The following NUDT3 variants were observed in gnomAD, a reference collection of about 807,000 sequenced individuals.
NUDT3 encodes diphosphoinositol polyphosphate phosphohydrolase 1.
A neutral mutation model predicts 23.6 loss-of-function variants in NUDT3; 9 were observed. The observed-to-expected ratio is 0.38, with a 90% confidence interval of 0.23 to 0.66. The LOEUF (loss-of-function observed/expected upper bound fraction) is 0.66. Ranked by LOEUF, NUDT3 falls within the 30% of genes least tolerant of loss-of-function variation. The pLI is 0.52. For missense variants in NUDT3, 172 were observed against 218.5 expected (o/e 0.79, Z 1.34); for synonymous variants, 86 against 82.6 (o/e 1.04, Z -0.22).
rs140071193 is a variant in NUDT3, at chr6:34,317,478, A to G, written c.211-21793T>C. ...AATGTTAAGAGGTGGAGAGAGAGGG[A>G]AAAATGAGCAAAGACAACTCAGATG... On this transcript the variant is annotated intron_variant, in intron 2 of 4. Transcript: ENST00000607016. Among the ~76,000 whole-genome samples, 8 of 152,172 alleles carry G rather than the reference A, an allele frequency of 5.3e-5. No homozygotes were observed. In the East Asian group the frequency reaches 1.5e-3, roughly 29 times the overall value.
chr6:34,392,260 T>C lies in NUDT3; in HGVS notation c.99+4A>G, dbSNP rs1457072470. The C allele has an allele frequency of 5.7e-6, 9 of 1,589,416 alleles. No homozygotes were observed. The highest frequency in any genetic ancestry group is 6.8e-6 in the Non-Finnish European group (8 of 1,173,306). ...ACCCCGGCCCGCCCAGCCTGCCGCC[T>C]CACCTCCTCCTCGCTCTCGCTGCGG... On this transcript the variant is annotated splice_donor_region_variant and intron_variant, in intron 1 of 4. Transcript: ENST00000607016.
intron 1 of NUDT3, among the ~76,000 whole-genome samples, chr6:34,378,139 CAA>C (rs555966119): frequency 9.3e-5 from 12 of 129,304 alleles, no homozygotes; most frequent in Admixed American, 7.8e-5. Flanking sequence ...CGCTCCTACC[CAA>C]AAAAAAAAAA....
chr6:34,293,558 TAG>T (rs146708758), intron 3 of NUDT3, 23 bp from the exon 4 acceptor site: 15 of 1,613,692 alleles, frequency 9.3e-6, no homozygotes, highest in African/African-American at 2.7e-5. Context: ...GAGAGAAGGA[TAG>T]AGAGAGTTTT....
At chr6:34,321,514 T>C (rs1763942418) in intron 2 of NUDT3, among the ~76,000 whole-genome samples, 1 of 152,162 alleles carries the variant, frequency 6.6e-6, no homozygotes, top group African/African-American at 2.4e-5. Context: ...TTTTAAAATC[T>C]TGGCTAATGT....
chr6:34,360,174 G>T (rs919961629), intron 1 of NUDT3, among the ~76,000 whole-genome samples: 1 of 148,202 alleles, frequency 6.7e-6, no homozygotes, highest in African/African-American at 2.5e-5. Context: ...AAGCTGCAAG[G>T]CTGCAGTAAG....
chr6:34,360,956 C>A (rs1345494970), intron 1 of NUDT3, among the ~76,000 whole-genome samples: 1 of 152,170 alleles, frequency 6.6e-6, no homozygotes, highest in Non-Finnish European at 1.5e-5. Flanking sequence ...GGAGCAGTAG[C>A]TCATACTTAT....
At chr6:34,314,000 G>C (rs1175644723) in intron 2 of NUDT3, among the ~76,000 whole-genome samples, 1 of 151,990 alleles carries the variant, frequency 6.6e-6, no homozygotes, top group Non-Finnish European at 1.5e-5. Context: ...GGGAGGCTGA[G>C]GCAAGAGAAT....
intron 2 of NUDT3, among the ~76,000 whole-genome samples, chr6:34,322,759 G>C (rs1763965062): frequency 6.6e-6 from 1 of 152,148 alleles, no homozygotes; most frequent in African/African-American, 2.4e-5. Flanking sequence ...AATTTCTTTA[G>C]ATGTGACAAT....
At chr6:34,390,339 T>C (rs548036498) in intron 1 of NUDT3, among the ~76,000 whole-genome samples, 10 of 151,142 alleles carry the variant, frequency 6.6e-5, no homozygotes, top group East Asian at 3.9e-4. Flanking sequence ...GCAAGTCCTA[T>C]GCCTGGTCTG....
chr6:34,291,337 T>G lies in NUDT3; in HGVS notation c.340+2114A>C, dbSNP rs80052568. ...TTCTTTTTAACCTTCTAGGGAAAGA[T>G]ATCTAGCACAAGAACTACAAAAATA... On this transcript the variant is annotated intron_variant, in intron 4 of 4. Transcript: ENST00000607016. 6.8e-3 allele frequency among the ~76,000 whole-genome samples: 1,034 copies of G among 152,176 alleles called. 7 individuals carry two copies. Among genetic ancestry groups the G allele is most frequent in the Admixed American group, 0.012 (183 of 15,272 alleles).
At chr6:34,356,015 T>C (rs1764555412) in intron 1 of NUDT3, among the ~76,000 whole-genome samples, 1 of 151,968 alleles carries the variant, frequency 6.6e-6, no homozygotes, top group Admixed American at 6.6e-5. Flanking sequence ...AATGGGACAA[T>C]CTCAAGAGAG....
intron 2 of NUDT3, among the ~76,000 whole-genome samples, chr6:34,304,216 A>T (rs2113703811): frequency 6.8e-6 from 1 of 147,564 alleles, no homozygotes. Flanking sequence ...ACGCCACTGT[A>T]CTCCAGCCTG....
intron 1 of NUDT3, among the ~76,000 whole-genome samples, chr6:34,381,584 T>C (rs1765018844): frequency 6.6e-6 from 1 of 152,092 alleles, no homozygotes; most frequent in South Asian, 2.1e-4. Context: ...CTAACTCATA[T>C]TGGCAATAAA....
At chr6:34,292,914 T>C (rs1449612192) in intron 4 of NUDT3, among the ~76,000 whole-genome samples, 2 of 152,218 alleles carry the variant, frequency 1.3e-5, no homozygotes, top group East Asian at 3.8e-4. Flanking sequence ...TTCTTATTTT[T>C]AGGGGTCATG....
At chr6:34,372,478 G>A (rs948444818) in intron 1 of NUDT3, among the ~76,000 whole-genome samples, 12 of 152,062 alleles carry the variant, frequency 7.9e-5, no homozygotes, top group South Asian at 2.1e-4. Context: ...TTTGATTTGC[G>A]TTTCTCTGAT....
intron 4 of NUDT3, among the ~76,000 whole-genome samples, chr6:34,290,794 T>G (rs116839142): frequency 0.016 from 2,451 of 148,598 alleles, 33 homozygotes; most frequent in Non-Finnish European, 0.027. Flanking sequence ...TGTCTGTGAT[T>G]ATTATTATTA....
chr6:34,297,732 TA>T (rs1423147801), intron 2 of NUDT3, among the ~76,000 whole-genome samples: 5 of 27,758 alleles, frequency 1.8e-4, no homozygotes, highest in East Asian at 5.1e-4. Flanking sequence ...AAAAAAAAAA[TA>T]TATATATATA....
At chr6:34,387,046 G>C (rs1561926447) in intron 1 of NUDT3, among the ~76,000 whole-genome samples, 1 of 152,122 alleles carries the variant, frequency 6.6e-6, no homozygotes, top group Non-Finnish European at 1.5e-5. Context: ...GAAGGTCAAG[G>C]CTGCAGTGAG....
At chr6:34,346,256 A>G (rs1764368238) in intron 1 of NUDT3, among the ~76,000 whole-genome samples, 1 of 152,216 alleles carries the variant, frequency 6.6e-6, no homozygotes, top group African/African-American at 2.4e-5. Context: ...CATTTAAGTC[A>G]TATTTATCCA....
Sources: allele counts gnomAD v4.1 joint callset (sites outside exome capture counted in the v4.1 genomes callset), GRCh38; gene constraint gnomAD v4.1.1; transcripts MANE v1.5; gene names NCBI Gene and HGNC (gene_info 2026-07-23, HGNC 2026-07-21).